Variants in SPECC1 observed in about 807,000 individuals in gnomAD.
SPECC1 encodes sperm antigen with calponin homology and coiled-coil domains 1.
SPECC1 carries 62 observed loss-of-function variants against 104.1 expected under a neutral mutation model. The observed-to-expected ratio is 0.60, with a 90% CI of 0.49 to 0.74. SPECC1 has a LOEUF of 0.74. Ranked by LOEUF, SPECC1 falls within the 30% of genes least tolerant of loss-of-function variation. The pLI, the probability that SPECC1 is intolerant of heterozygous loss-of-function variation, is 0.00. For missense variants in SPECC1, 1,306 were observed against 1,310.5 expected (o/e 1.00, Z 0.05); for synonymous variants, 513 against 501.6 (o/e 1.02, Z -0.30).
intron 3 of SPECC1, among the ~76,000 whole-genome samples, chr17:20,151,606 A>G (rs775963499): frequency 4.6e-5 from 7 of 152,238 alleles, no homozygotes; most frequent in Non-Finnish European, 8.8e-5. Flanking sequence ...ACAGCACATC[A>G]GCTTCACTTC....
At chr17:20,067,109 A>C (rs1216888422) in intron 1 of SPECC1, 1 of 152,054 alleles carries the variant, frequency 6.6e-6, no homozygotes, top group Non-Finnish European at 1.5e-5. Context: ...CAGTGTAGAA[A>C]AATGTAAAAA....
At chr17:20,284,780 G>A (rs1390972669) in intron 12 of SPECC1, among the ~76,000 whole-genome samples, 2 of 152,160 alleles carry the variant, frequency 1.3e-5, no homozygotes, top group African/African-American at 4.8e-5. Context: ...AAGACCAATT[G>A]GGAAAACCCC....
chr17:20,266,488 G>A (rs745955072), intron 12 of SPECC1, among the ~76,000 whole-genome samples: 4 of 152,202 alleles, frequency 2.6e-5, no homozygotes, highest in Non-Finnish European at 4.4e-5. Context: ...GGAGGCTGAG[G>A]TAGGGGAATG....
intron 1 of SPECC1, among the ~76,000 whole-genome samples, chr17:20,025,520 T>TGTA (rs1249582976): frequency 6.6e-6 from 1 of 152,208 alleles, no homozygotes; most frequent in African/African-American, 2.4e-5. Context: ...CCGAGATTCA[T>TGTA]CCTTGTAGCA....
chr17:20,198,747 C>CT (rs1374358617), intron 3 of SPECC1, among the ~76,000 whole-genome samples: 2 of 152,186 alleles, frequency 1.3e-5, no homozygotes, highest in African/African-American at 2.4e-5. Context: ...GAATCAGAGA[C>CT]TAATTTTTCA....
At chr17:20,200,583 AGGAAGCAT>A (rs2036359202) in intron 3 of SPECC1, among the ~76,000 whole-genome samples, 1 of 152,202 alleles carries the variant, frequency 6.6e-6, no homozygotes, top group East Asian at 1.9e-4. Context: ...GTGCTGTGTA[AGGAAGCAT>A]GGCCAGTCTC....
chr17:20,075,439 G>T (rs1308319391), intron 1 of SPECC1, among the ~76,000 whole-genome samples: 1 of 152,158 alleles, frequency 6.6e-6, no homozygotes, highest in East Asian at 1.9e-4. Context: ...CTCTGATACG[G>T]CATTTCAGTA....
intron 13 of SPECC1, among the ~76,000 whole-genome samples, chr17:20,302,878 TAAAAAAAAAAA>T (rs35060925): frequency 1.6e-5 from 1 of 61,872 alleles, no homozygotes; most frequent in Non-Finnish European, 3.0e-5. Context: ...TGAGCCCATC[TAAAAAAAAAAA>T]AAAAAAAAAA....
At chr17:20,111,918 G>C in intron 3 of SPECC1, 1 of 789,200 alleles carries the variant, frequency 1.3e-6, no homozygotes, top group Middle Eastern at 3.6e-4. Context: ...TCTGTGGCCA[G>C]TGGTAAACTT....
chr17:20,030,085 C>G (rs9901862), intron 1 of SPECC1, among the ~76,000 whole-genome samples: 1 of 152,048 alleles, frequency 6.6e-6, no homozygotes, highest in Admixed American at 6.6e-5. Context: ...TGTTTAGCCT[C>G]CAGAACTGGG....
intron 3 of SPECC1, among the ~76,000 whole-genome samples, chr17:20,124,357 T>C (rs1302551356): frequency 6.6e-6 from 1 of 152,090 alleles, no homozygotes; most frequent in East Asian, 1.9e-4. Context: ...GTGGGATTCA[T>C]CCAGCTGTGG....
At chr17:20,037,997 T>C (rs998121635) in intron 1 of SPECC1, among the ~76,000 whole-genome samples, 12 of 152,152 alleles carry the variant, frequency 7.9e-5, no homozygotes, top group African/African-American at 2.7e-4. Flanking sequence ...TGTGGTAATT[T>C]GTGTTTTTTC....
At chr17:20,279,809 G>A (rs531519202) in intron 12 of SPECC1, among the ~76,000 whole-genome samples, 1 of 152,330 alleles carries the variant, frequency 6.6e-6, no homozygotes, top group East Asian at 1.9e-4. Context: ...TGGAAGACAT[G>A]AGGAAGACCA....
intron 3 of SPECC1, among the ~76,000 whole-genome samples, chr17:20,199,383 GTTTTTTTTTT>G (rs3077216): frequency 3.0e-4 from 19 of 62,432 alleles, no homozygotes; most frequent in Admixed American, 6.9e-4. Context: ...CACCGTGCTG[GTTTTTTTTTT>G]TTTTTTTTTT....
chr17:20,305,406 T>C lies in SPECC1; in HGVS notation c.3058-617T>C, dbSNP rs140132156. Among the ~76,000 whole-genome samples the C allele has an allele frequency of 2.2e-3, 342 of 152,288 alleles. 1 individual carries two copies. Among genetic ancestry groups the C allele is most frequent in the African/African-American group, 6.8e-3 (281 of 41,576 alleles). On this transcript the variant is annotated intron_variant, in intron 13 of 14. Transcript: ENST00000395527. ...AGGTCACAAACATAGCTAATATTAA[T>C]ACGGGCACTAAAATTAGCTATGTGT...
At chr17:20,211,093 C>T (rs2037117443) in intron 4 of SPECC1, among the ~76,000 whole-genome samples, 1 of 152,156 alleles carries the variant, frequency 6.6e-6, no homozygotes, top group African/African-American at 2.4e-5. Flanking sequence ...ATGGCCTGAC[C>T]CACCCTGGCC....
chr17:20,178,062 C>A (rs1272861345), intron 3 of SPECC1, among the ~76,000 whole-genome samples: 1 of 151,890 alleles, frequency 6.6e-6, no homozygotes, highest in African/African-American at 2.4e-5. Context: ...GCCCTGTCAC[C>A]CAGGCTGGGG....
At chr17:20,185,596 C>T (rs539555167) in intron 3 of SPECC1, among the ~76,000 whole-genome samples, 3 of 152,208 alleles carry the variant, frequency 2.0e-5, no homozygotes, top group African/African-American at 7.2e-5. Flanking sequence ...GAAAATAAAA[C>T]GGTTGTGTTA....
intron 12 of SPECC1, among the ~76,000 whole-genome samples, chr17:20,282,338 G>A (rs2040800669): frequency 6.6e-6 from 1 of 152,216 alleles, no homozygotes; most frequent in Non-Finnish European, 1.5e-5. Flanking sequence ...GAGGAGTAAA[G>A]GGAAGGGCGC....
Sources: allele counts gnomAD v4.1 joint callset (sites outside exome capture counted in the v4.1 genomes callset), GRCh38; gene constraint gnomAD v4.1.1; transcripts MANE v1.5; gene names NCBI Gene and HGNC (gene_info 2026-07-23, HGNC 2026-07-21).